DPP10: variants seen among roughly 807,000 people sequenced by gnomAD.
The protein encoded by DPP10 is inactive dipeptidyl peptidase 10.
A neutral mutation model predicts 120.9 loss-of-function variants in DPP10; 33 were observed. That is an observed-to-expected ratio of 0.27 (90% CI 0.21 to 0.37). The LOEUF (loss-of-function observed/expected upper bound fraction) is 0.37. DPP10 is among the 10% of genes least tolerant of loss of function. DPP10 has a pLI of 1.00. For synonymous variants in DPP10, 337 were observed against 326.1 expected (o/e 1.03, Z -0.36); for missense variants, 816 against 942.8 (o/e 0.87, Z 1.76).
At chr2:114,809,894 CT>C (rs981503199) in intron 1 of DPP10, among the ~76,000 whole-genome samples, 14 of 152,160 alleles carry the variant, frequency 9.2e-5, no homozygotes, top group African/African-American at 3.4e-4. Context: ...TCTTTTCCCC[CT>C]GAATATCTGA....
At chr2:115,273,862 C>T (rs908993023) in intron 1 of DPP10, among the ~76,000 whole-genome samples, 5 of 152,122 alleles carry the variant, frequency 3.3e-5, no homozygotes, top group African/African-American at 7.2e-5. Flanking sequence ...TTGGGTAGAA[C>T]GCTAATAATA....
intron 4 of DPP10, among the ~76,000 whole-genome samples, chr2:115,511,725 CTT>C: frequency 1.7e-5 from 2 of 115,854 alleles, no homozygotes; most frequent in Middle Eastern, 8.8e-3. Flanking sequence ...TCTTCTTCTT[CTT>C]CTTCTTTTTT....
At chr2:114,879,866 T>C (rs551663503) in intron 1 of DPP10, among the ~76,000 whole-genome samples, 8 of 152,268 alleles carry the variant, frequency 5.3e-5, no homozygotes, top group African/African-American at 1.9e-4. Flanking sequence ...CTGGATTAAA[T>C]ACACTCTGGG....
chr2:114,853,612 C>T (rs1403528912), intron 1 of DPP10, among the ~76,000 whole-genome samples: 1 of 152,174 alleles, frequency 6.6e-6, no homozygotes, highest in Non-Finnish European at 1.5e-5. Context: ...GTGGGGGCTG[C>T]ACTTTGTGAC....
At chr2:114,711,307 A>T (rs1430298524) in intron 1 of DPP10, among the ~76,000 whole-genome samples, 2 of 152,306 alleles carry the variant, frequency 1.3e-5, no homozygotes, top group East Asian at 3.9e-4. Context: ...CAGCAGACTA[A>T]CAAGGATTTT....
intron 3 of DPP10, among the ~76,000 whole-genome samples, chr2:115,438,235 C>A (rs541338415): frequency 1.3e-5 from 2 of 152,102 alleles, no homozygotes; most frequent in Non-Finnish European, 2.9e-5. Context: ...ATTGCAACAA[C>A]AACAAAAATA....
At chr2:115,464,431 C>CA (rs973936673) in intron 3 of DPP10, among the ~76,000 whole-genome samples, 34 of 151,180 alleles carry the variant, frequency 2.2e-4, no homozygotes, top group African/African-American at 8.0e-4. Flanking sequence ...CAAAACAAAA[C>CA]AAACAAACAA....
chr2:115,336,970 C>T (rs1409488608), intron 2 of DPP10, among the ~76,000 whole-genome samples: 3 of 151,874 alleles, frequency 2.0e-5, no homozygotes. Context: ...CTAGGTGATT[C>T]TCCCTGGGTC....
chr2:115,344,923 T>G (rs2063635087), intron 3 of DPP10, among the ~76,000 whole-genome samples: 1 of 152,196 alleles, frequency 6.6e-6, no homozygotes, highest in African/African-American at 2.4e-5. Flanking sequence ...AGTCCATTCC[T>G]TCCTCTCTCT....
At chr2:115,144,671 G>C (rs1224812371) in intron 1 of DPP10, among the ~76,000 whole-genome samples, 2 of 113,088 alleles carry the variant, frequency 1.8e-5, no homozygotes, top group South Asian at 7.8e-4. Context: ...GTTGTGGGGT[G>C]GGGGGCGGGG....
intron 1 of DPP10, among the ~76,000 whole-genome samples, chr2:114,905,456 C>T: frequency 6.6e-6 from 1 of 151,990 alleles, no homozygotes; most frequent in East Asian, 1.9e-4. Context: ...GAATTATTTA[C>T]ATTTTTAGTT....
At chr2:115,616,279 A>G (rs2084489036) in intron 5 of DPP10, among the ~76,000 whole-genome samples, 1 of 152,086 alleles carries the variant, frequency 6.6e-6, no homozygotes, top group Non-Finnish European at 1.5e-5. Flanking sequence ...TTATATGTAT[A>G]TTATCTCATT....
intron 12 of DPP10, among the ~76,000 whole-genome samples, chr2:115,765,898 TA>T (rs1454742356): frequency 6.6e-6 from 1 of 152,184 alleles, no homozygotes; most frequent in Non-Finnish European, 1.5e-5. Context: ...ATGTTACTTA[TA>T]TTTTCATGAA....
intron 1 of DPP10, among the ~76,000 whole-genome samples, chr2:115,104,395 A>ATAT (rs1344626367): frequency 1.3e-5 from 2 of 152,008 alleles, no homozygotes; most frequent in Non-Finnish European, 2.9e-5. Flanking sequence ...ATAGAGTGAG[A>ATAT]TATTACTTAC....
chr2:115,104,957 G>A (rs1412594444), intron 1 of DPP10, among the ~76,000 whole-genome samples: 1 of 151,632 alleles, frequency 6.6e-6, no homozygotes, highest in Non-Finnish European at 1.5e-5. Context: ...AGTGAGCCAA[G>A]ATGGTGCCAC....
chr2:115,533,818 T>C (rs539341950), intron 5 of DPP10, among the ~76,000 whole-genome samples: 51 of 152,192 alleles, frequency 3.4e-4, no homozygotes, highest in African/African-American at 1.2e-3. Context: ...ATACTCACCT[T>C]TCCTCGTTTG....
At chr2:114,728,295 G>GGT (rs1676547672) in intron 1 of DPP10, among the ~76,000 whole-genome samples, 2 of 152,192 alleles carry the variant, frequency 1.3e-5, no homozygotes, top group South Asian at 4.1e-4. Context: ...AAGATGCCCT[G>GGT]CTTATTCTTC....
At chr2:114,754,730 A>G (rs1297141096) in intron 1 of DPP10, among the ~76,000 whole-genome samples, 1 of 151,446 alleles carries the variant, frequency 6.6e-6, no homozygotes. Flanking sequence ...CTCGTGTGGA[A>G]ATGGCATTTC....
intron 1 of DPP10, among the ~76,000 whole-genome samples, chr2:114,575,221 A>T (rs1689965396): frequency 6.6e-6 from 1 of 152,138 alleles, no homozygotes; most frequent in Admixed American, 6.5e-5. Context: ...AAAAGAAAAA[A>T]ATAAAGACAG....
Sources: allele counts gnomAD v4.1 joint callset (sites outside exome capture counted in the v4.1 genomes callset), GRCh38; gene constraint gnomAD v4.1.1; transcripts MANE v1.5; gene names NCBI Gene and HGNC (gene_info 2026-07-23, HGNC 2026-07-21).